The following MEDAG variants were observed in gnomAD, a reference collection of about 807,000 sequenced individuals.
MEDAG encodes the protein mesenteric estrogen dependent adipogenesis, also known as mesenteric estrogen-dependent adipogenesis protein.
In MEDAG, 25 loss-of-function variants were observed where a neutral mutation model predicts 29.9. The observed-to-expected ratio is 0.84, with a 90% CI of 0.61 to 1.17. The LOEUF is 1.17. Among genes scored for constraint, MEDAG ranks in the 50% most tolerant of loss-of-function variants. The pLI is 0.00. For missense variants in MEDAG, 398 were observed against 372.9 expected, an observed-to-expected ratio of 1.07 and a Z score of -0.56; for synonymous variants, 158 against 148.2, an observed-to-expected ratio of 1.07 and a Z score of -0.48.
chr13:30,921,616 A>G lies in MEDAG; in HGVS notation c.557A>G (p.Asn186Ser). The change falls in exon 4 of 5, where the codon AAT becomes AGT. Residue 186 changes from asparagine (N) to serine (S), a missense_variant. Coordinates refer to ENST00000380482, the MANE Select transcript of MEDAG (RefSeq NM_032849.4). ...NFFPPGNEVV[N>S]GENLSFAYEF... ...TTCCCCCCAGGAAATGAAGTGGTTA[A>G]TGGAGAAAATTTAAGCTTTGCATAT... is the stretch of plus-strand genomic sequence containing the variant. 1 of 1,613,032 alleles carries G rather than the reference A, an allele frequency of 6.2e-7. No individual in the cohort carries two copies. Among genetic ancestry groups the G allele is most frequent in the Non-Finnish European group, 8.5e-7 (1 of 1,179,788 alleles).
At position 30,924,314 on chromosome 13, in the gene MEDAG, C is replaced by T; in HGVS notation, c.791C>T (p.Ser264Leu). 4 of 1,611,498 alleles carry T rather than the reference C, an allele frequency of 2.5e-6. No homozygotes were observed. Among genetic ancestry groups the T allele is most frequent in the African/African-American group, 1.3e-5 (1 of 74,836 alleles). ...TGCTTTGTTTACTGTTTTTTAGGTT[C>T]AATAGATGATGTTTTTAACTGCAAT... ...DRKFSVTSRGSIDDVFNCNLS... is the reference protein window; with the variant it reads ...DRKFSVTSRGLIDDVFNCNLS... The change falls in exon 5 of 5, where the codon TCA becomes TTA. Residue 264 changes from serine to leucine, a missense_variant. Transcript: ENST00000380482.
At chr13:30,918,907 C>G (rs570806439) in intron 2 of MEDAG, among the ~76,000 whole-genome samples, 1 of 152,100 alleles carries the variant, frequency 6.6e-6, no homozygotes, top group Non-Finnish European at 1.5e-5. Context: ...AACCAGAAAG[C>G]CAGATAGTTC....
intron 2 of MEDAG, 81 bp from the exon 3 acceptor site, chr13:30,920,933 C>G (rs1338483320): frequency 3.6e-6 from 4 of 1,098,642 alleles, no homozygotes; most frequent in Non-Finnish European, 4.1e-6. Flanking sequence ...GAGGTGGGAA[C>G]CACTGCAATA....
At position 30,924,535 on chromosome 13, in the gene MEDAG, C is replaced by T. The variant is rs572445525; in HGVS notation, c.*100C>T. 2.0e-5 allele frequency: 25 copies of T among 1,248,642 alleles called. No individual in the cohort carries two copies. The East Asian group carries it at 4.7e-4, about 24-fold the overall frequency. The allele number at this position is 1,248,642 out of a possible 1,614,324, so 77.3% of individuals were successfully genotyped here. Reference sequence around the variant, plus strand: ...GGTGGGAGGCAGATACTTCCACCTGCGTGTCAATCTCCGGCTCCTCCATGG... The same window carrying T: ...GGTGGGAGGCAGATACTTCCACCTGTGTGTCAATCTCCGGCTCCTCCATGG... On this transcript the variant is annotated 3_prime_UTR_variant, in exon 5 of 5. Coordinates refer to ENST00000380482, the MANE Select transcript of MEDAG (RefSeq NM_032849.4).
At position 30,909,186 on chromosome 13, in the gene MEDAG, G is replaced by A. The variant is rs117428443; in HGVS notation, c.278+2393G>A. The A allele has an allele frequency of 7.9e-3, 1,198 of 151,692 alleles. 5 individuals carry two copies. Among genetic ancestry groups the A allele is most frequent in the Non-Finnish European group, 0.014 (987 of 68,294 alleles). The allele number at this position is 151,692 out of a possible 1,614,324, so 9.4% of individuals were successfully genotyped here. On this transcript the variant is annotated intron_variant, in intron 1 of 4. Transcript: ENST00000380482. ...GTGACACCAGGGTGCACTTGCTATGGTATTTTCCACATGCTGTGCCCAATT... is the reference window on the plus strand; with the variant it reads ...GTGACACCAGGGTGCACTTGCTATGATATTTTCCACATGCTGTGCCCAATT...
intron 1 of MEDAG, among the ~76,000 whole-genome samples, chr13:30,907,695 C>T (rs551987240): frequency 6.6e-6 from 1 of 152,366 alleles, no homozygotes; most frequent in African/African-American, 2.4e-5. Context: ...CCTGAAGAGG[C>T]AAGCATGGTC....
Position 30,924,743 on chromosome 13 carries a change from A to T in MEDAG, c.*308A>T, listed in dbSNP as rs1593514012. 9.4e-6 allele frequency: 2 copies of T among 211,988 alleles called. No homozygotes were observed. Among genetic ancestry groups the T allele is most frequent in the East Asian group, 2.1e-4 (2 of 9,660 alleles). The allele number at this position is 211,988 out of a possible 1,614,324, so 13.1% of individuals were successfully genotyped here. A position where few individuals can be genotyped will look rare whatever the true frequency, so the allele number is the denominator to read the frequency against. ...CTCCAAAGAGGCAGAAGGGCCACAG[A>T]GTTCTGCCACCCTGAACATTTTTCT... is the stretch of plus-strand genomic sequence containing the variant. On this transcript the variant is annotated 3_prime_UTR_variant, in exon 5 of 5. Transcript: ENST00000380482.
chr13:30,919,557 A>G (rs568445804), intron 2 of MEDAG, among the ~76,000 whole-genome samples: 4 of 152,334 alleles, frequency 2.6e-5, no homozygotes, highest in African/African-American at 9.6e-5. Context: ...CTATTGTCTT[A>G]AAGAGGATAT....
At chr13:30,921,231 T>C (rs1952982351) in intron 3 of MEDAG, 105 bp downstream of exon 3, 2 of 935,874 alleles carry the variant, frequency 2.1e-6, no homozygotes, top group East Asian at 2.6e-5. Context: ...GCCAAGAGAA[T>C]GGCCCTTAGA....
At chr13:30,920,868 AG>A in intron 2 of MEDAG, 145 bp from the exon 3 acceptor site, 1 of 642,528 alleles carries the variant, frequency 1.6e-6, no homozygotes. Flanking sequence ...GAGGCTTTGT[AG>A]TAAGGTTGTG....
chr13:30,915,345 G>C (rs1204690656), intron 1 of MEDAG, among the ~76,000 whole-genome samples: 1 of 152,190 alleles, frequency 6.6e-6, no homozygotes, highest in Non-Finnish European at 1.5e-5. Flanking sequence ...TGAATAGATG[G>C]ATGGCAAGAG....
intron 1 of MEDAG, among the ~76,000 whole-genome samples, chr13:30,909,790 C>T (rs949319133): frequency 7.9e-5 from 12 of 152,080 alleles, no homozygotes; most frequent in Non-Finnish European, 1.5e-4. Context: ...CAAGGAACCC[C>T]GAAAGGCTAA....
At chr13:30,906,833 A>G (rs1952835992) in intron 1 of MEDAG, 40 bp downstream of exon 1, 1 of 1,422,304 alleles carries the variant, frequency 7.0e-7, no homozygotes. Context: ...GTCGCCTGGT[A>G]CCCGCAGACG....
At chr13:30,920,504 A>C (rs1453374931) in intron 2 of MEDAG, among the ~76,000 whole-genome samples, 1 of 152,040 alleles carries the variant, frequency 6.6e-6, no homozygotes, top group Non-Finnish European at 1.5e-5. Context: ...CAGGAGGATC[A>C]CTTGAGCCCA....
chr13:30,921,050 C>G lies in MEDAG; in HGVS notation c.425C>G (p.Pro142Arg). The G allele has an allele frequency of 1.2e-6, 2 of 1,614,084 alleles. No homozygotes were observed. Among genetic ancestry groups the G allele is most frequent in the Non-Finnish European group, 1.7e-6 (2 of 1,180,008 alleles). Residue 142 changes from proline to arginine, a missense_variant, in exon 3 of 5, where the codon CCC becomes CGC. By Grantham distance (103) the Pro-to-Arg change is moderately radical (BLOSUM62 -2). Transcript: ENST00000380482. ...TYAFLVNTRH[P>R]KIRRQIEQGM... ...GCGTTTCTTGTAAACACGAGGCACC[C>G]CAAGATAAGAAGACAGATAGAGCAA...
chr13:30,921,099 A>G lies in MEDAG; in HGVS notation c.474A>G (p.Ser158=). The part of the protein sequence containing the change: ...IEQGMDMVIS[S]VIGESYRLQF... ...AAGGGATGGACATGGTCATCTCCTCAGTGATTGGAGAAAGTTACCGGCTTC... is the reference window on the plus strand; with the variant it reads ...AAGGGATGGACATGGTCATCTCCTCGGTGATTGGAGAAAGTTACCGGCTTC... Residue 158 remains serine (S), a synonymous_variant, in exon 3 of 5, where the codon TCA becomes TCG. Coordinates refer to ENST00000380482, the MANE Select transcript of MEDAG (RefSeq NM_032849.4). 1.2e-6 allele frequency: 2 copies of G among 1,614,052 alleles called. No homozygotes were observed. The highest frequency in any genetic ancestry group is 1.7e-6 in the Non-Finnish European group (2 of 1,179,970).
In MEDAG at chr13:30,921,685, G is replaced by C; in HGVS notation, c.626G>C (p.Gly209Ala). The C allele has an allele frequency of 6.2e-7, 1 of 1,614,034 alleles. No homozygotes were observed. Among genetic ancestry groups the C allele is most frequent in the South Asian group, 1.1e-5 (1 of 91,076 alleles). ...TTATTTGATTTCTTCTATTGGTTTG[G>C]GCTCAGTAATTCCGTTGTAAAAGTA... ...DALFDFFYWF[G>A]LSNSVVKVNG... The change falls in exon 4 of 5, where the codon GGG becomes GCG. Residue 209 changes from glycine (G) to alanine (A), a missense_variant. Coordinates refer to ENST00000380482, the MANE Select transcript of MEDAG (RefSeq NM_032849.4).
intron 1 of MEDAG, among the ~76,000 whole-genome samples, chr13:30,917,113 T>A (rs1255457414): frequency 6.6e-6 from 1 of 152,208 alleles, no homozygotes; most frequent in Non-Finnish European, 1.5e-5. Context: ...AAATGAACGC[T>A]TTTAGCCCAA....
At chr13:30,918,622 A>G (rs1952952904) in intron 2 of MEDAG, among the ~76,000 whole-genome samples, 1 of 152,188 alleles carries the variant, frequency 6.6e-6, no homozygotes, top group South Asian at 2.1e-4. Context: ...GGGGGAAGTC[A>G]TGGGCATAAC....
Sources: allele counts gnomAD v4.1 joint callset (sites outside exome capture counted in the v4.1 genomes callset), GRCh38; gene constraint gnomAD v4.1.1; transcripts MANE v1.5; gene names NCBI Gene and HGNC (gene_info 2026-07-23, HGNC 2026-07-21).